The following IMMP2L variants were observed in gnomAD, a reference collection of about 807,000 sequenced individuals.
IMMP2L encodes inner mitochondrial membrane peptidase subunit 2, also known as mitochondrial inner membrane protease subunit 2.
In IMMP2L, 18 loss-of-function variants were observed where a neutral mutation model predicts 19.3. The ratio of observed to expected loss-of-function variants is 0.93; its 90% CI spans 0.64 to 1.38. The LOEUF (loss-of-function observed/expected upper bound fraction) is 1.38. Among genes scored for constraint, IMMP2L ranks in the 40% most tolerant of loss-of-function variants. The pLI, the probability that IMMP2L is intolerant of heterozygous loss-of-function variation, is 0.00. For missense variants in IMMP2L, 233 were observed against 218.2 expected (o/e 1.07, Z -0.43); for synonymous variants, 76 against 73.0 (o/e 1.04, Z -0.21).
At chr7:111,347,129 C>G (rs1395456342) in intron 3 of IMMP2L, among the ~76,000 whole-genome samples, 1 of 152,026 alleles carries the variant, frequency 6.6e-6, no homozygotes, top group African/African-American at 2.4e-5. Flanking sequence ...TCAGAGAGAA[C>G]AGAGGCAGAA....
intron 4 of IMMP2L, among the ~76,000 whole-genome samples, chr7:110,916,414 T>C (rs919947164): frequency 7.9e-5 from 12 of 152,214 alleles, no homozygotes; most frequent in Non-Finnish European, 1.6e-4. Context: ...TTCCAACTCT[T>C]TTGTGCTACT....
At chr7:111,327,945 A>T (rs1825488600) in intron 3 of IMMP2L, among the ~76,000 whole-genome samples, 1 of 151,806 alleles carries the variant, frequency 6.6e-6, no homozygotes, top group South Asian at 2.1e-4. Context: ...ATAGGTACGT[A>T]TAGTAGATAT....
chr7:111,347,179 T>C (rs191900083), intron 3 of IMMP2L, among the ~76,000 whole-genome samples: 3 of 152,160 alleles, frequency 2.0e-5, no homozygotes, highest in East Asian at 1.9e-4. Flanking sequence ...CTGAATGTGA[T>C]GGGCTTGAGG....
intron 3 of IMMP2L, among the ~76,000 whole-genome samples, chr7:111,078,758 T>C (rs1795627916): frequency 6.6e-6 from 1 of 152,088 alleles, no homozygotes; most frequent in African/African-American, 2.4e-5. Flanking sequence ...TAAGATGGAA[T>C]CTTGCTCTGT....
Position 110,838,321 on chromosome 7 carries a change from C to T in IMMP2L, c.408+48272G>A, listed in dbSNP as rs184623990. Among the ~76,000 whole-genome samples the T allele has an allele frequency of 6.6e-5, 10 of 152,216 alleles. No homozygotes were observed. The East Asian group carries it at 1.9e-3, about 29-fold the overall frequency. ...GACGTTTTATTATATTGTATTTATGCATCTTCAATGGTTTGTCCTTTGCGT... is the reference window on the plus strand; with the variant it reads ...GACGTTTTATTATATTGTATTTATGTATCTTCAATGGTTTGTCCTTTGCGT... On this transcript the variant is annotated intron_variant, in intron 5 of 5. Transcript: ENST00000405709.
At chr7:111,363,731 G>A (rs941929777) in intron 3 of IMMP2L, among the ~76,000 whole-genome samples, 3 of 151,892 alleles carry the variant, frequency 2.0e-5, no homozygotes, top group Non-Finnish European at 4.4e-5. Flanking sequence ...AAACCTTCAA[G>A]GTATCTCCAA....
At chr7:110,787,505 T>C (rs1474520450) in intron 5 of IMMP2L, among the ~76,000 whole-genome samples, 3 of 151,940 alleles carry the variant, frequency 2.0e-5, no homozygotes. Flanking sequence ...AGGACAATCT[T>C]GGTACTAGAA....
At chr7:111,529,188 T>C (rs1448157915) in intron 1 of IMMP2L, among the ~76,000 whole-genome samples, 1 of 152,142 alleles carries the variant, frequency 6.6e-6, no homozygotes, top group African/African-American at 2.4e-5. Context: ...CCATAAATAA[T>C]CCAGCTATCA....
rs150633865 is a variant in IMMP2L at position 111,024,810 on chromosome 7, A to G, written c.240-61245T>C. Among the ~76,000 whole-genome samples, 706 of 152,292 alleles carry G rather than the reference A, an allele frequency of 4.6e-3. 11 individuals carry two copies. Among genetic ancestry groups the G allele is most frequent in the East Asian group, 0.03 (156 of 5,182 alleles). ...TTACCTGTGCAGAAAGAAAAATAGC[A>G]GAGAGAAGATACCCCTGACTTTAAC... On this transcript the variant is annotated intron_variant, in intron 3 of 5. Transcript: ENST00000405709.
At chr7:110,953,849 T>C (rs1476786289) in intron 4 of IMMP2L, among the ~76,000 whole-genome samples, 2 of 152,160 alleles carry the variant, frequency 1.3e-5, no homozygotes, top group African/African-American at 4.8e-5. Context: ...GACTTTTTAA[T>C]GATCGCCATT....
Position 110,721,792 on chromosome 7 carries a change from A to G in IMMP2L, c.409-58071T>C, listed in dbSNP as rs116112392. Among the ~76,000 whole-genome samples, 807 of 152,254 alleles carry G rather than the reference A, an allele frequency of 5.3e-3. 9 individuals are homozygous for G. The highest frequency in any genetic ancestry group is 0.019 in the African/African-American group (770 of 41,574). On this transcript the variant is annotated intron_variant, in intron 5 of 5. Coordinates refer to ENST00000405709, the MANE Select transcript of IMMP2L (RefSeq NM_032549.4). ...ATAGAAAACTCGTGTGCTTACCGGA[A>G]GGGACTGTATGTAGGGGGACTGGAT...
At position 110,681,063 on chromosome 7, in the gene IMMP2L, A is replaced by C. The variant is rs554097016; in HGVS notation, c.409-17342T>G. On this transcript the variant is annotated intron_variant, in intron 5 of 5. Transcript: ENST00000405709. ...AAAATTAGTAAGGATTAAAAAAAAA[A>C]ACACAAAACAAAGTGAGAATGGGTT... 9.9e-5 allele frequency among the ~76,000 whole-genome samples: 15 copies of C among 152,116 alleles called. No individual in the cohort carries two copies. The South Asian group carries it at 1.0e-3, about 11-fold the overall frequency.
chr7:111,340,230 T>C (rs1220973311), intron 3 of IMMP2L, among the ~76,000 whole-genome samples: 2 of 152,040 alleles, frequency 1.3e-5, no homozygotes, highest in African/African-American at 4.8e-5. Context: ...AGTAATTCAA[T>C]ATGATCCCTG....
intron 4 of IMMP2L, among the ~76,000 whole-genome samples, chr7:110,940,084 C>G (rs1049173140): frequency 6.6e-6 from 1 of 151,696 alleles, no homozygotes; most frequent in African/African-American, 2.4e-5. Context: ...TTTGGGAGGC[C>G]GAGGTGGGAG....
chr7:111,176,657 T>C (rs1025738959), intron 3 of IMMP2L, among the ~76,000 whole-genome samples: 1 of 151,974 alleles, frequency 6.6e-6, no homozygotes, highest in African/African-American at 2.4e-5. Flanking sequence ...TGAGGATGGT[T>C]AATGGATACA....
intron 5 of IMMP2L, among the ~76,000 whole-genome samples, chr7:110,799,420 TTGAC>T (rs1479948309): frequency 3.3e-5 from 5 of 152,056 alleles, no homozygotes; most frequent in Non-Finnish European, 7.4e-5. Flanking sequence ...TGTAGACTAA[TTGAC>T]TGAGTATATT....
At position 111,315,654 on chromosome 7, in the gene IMMP2L, C is replaced by T. The variant is rs535398210; in HGVS notation, c.239+171584G>A. ...CATAGTAATACCTTCCTCACCGCCACGTAGTCTTTCAGTAATGAATGAGAC... is the reference window on the plus strand; with the variant it reads ...CATAGTAATACCTTCCTCACCGCCATGTAGTCTTTCAGTAATGAATGAGAC... On this transcript the variant is annotated intron_variant, in intron 3 of 5. Transcript: ENST00000405709. Among the ~76,000 whole-genome samples the T allele has an allele frequency of 1.5e-4, 23 of 151,428 alleles. 1 individual carries two copies. The highest frequency in any genetic ancestry group is 6.8e-3 in the Middle Eastern group (2 of 294).
chr7:111,150,742 C>A (rs571470378), intron 3 of IMMP2L, among the ~76,000 whole-genome samples: 2 of 152,246 alleles, frequency 1.3e-5, no homozygotes, highest in East Asian at 1.9e-4. Context: ...CACTTTATGG[C>A]GGAAAATGCA....
intron 1 of IMMP2L, among the ~76,000 whole-genome samples, chr7:111,527,086 T>C (rs981242817): frequency 2.0e-5 from 3 of 151,990 alleles, no homozygotes; most frequent in African/African-American, 7.2e-5. Flanking sequence ...AGACCTGAGG[T>C]AGATATCTGT....
Sources: gnomAD v4.1 joint callset for allele counts (sites outside exome capture counted in the v4.1 genomes callset) on GRCh38, gnomAD v4.1.1 for gene constraint, MANE v1.5 for transcripts, NCBI Gene and HGNC (gene_info 2026-07-23, HGNC 2026-07-21) for gene names.